ABCC12: variants seen among roughly 807,000 people sequenced by gnomAD.
The protein encoded by ABCC12 is ATP binding cassette subfamily C member 12, also known as ATP-binding cassette sub-family C member 12.
ABCC12 carries 142 observed loss-of-function variants against 151.1 expected under a neutral mutation model. The ratio of observed to expected loss-of-function variants is 0.94; its 90% CI spans 0.82 to 1.08. ABCC12 has a LOEUF of 1.08. Among genes scored for constraint, ABCC12 ranks in the 50% least tolerant of loss-of-function variants. ABCC12 has a pLI of 0.00. For synonymous variants in ABCC12, 645 were observed against 646.4 expected (o/e 1.00, Z 0.03); for missense variants, 1,638 against 1,691.1 (o/e 0.97, Z 0.55).
intron 2 of ABCC12, among the ~76,000 whole-genome samples, chr16:48,153,217 G>A (rs1965139737): frequency 6.6e-6 from 1 of 152,182 alleles, no homozygotes; most frequent in Non-Finnish European, 1.5e-5. Flanking sequence ...TAAATTTCCT[G>A]ATTTTGATAT....
intron 18 of ABCC12, among the ~76,000 whole-genome samples, chr16:48,110,976 C>T (rs1431387040): frequency 1.3e-5 from 2 of 152,176 alleles, no homozygotes; most frequent in Non-Finnish European, 2.9e-5. Flanking sequence ...CACCTCAATC[C>T]CTTCACTGCT....
At chr16:48,149,810 A>G (rs541916074) in intron 2 of ABCC12, among the ~76,000 whole-genome samples, 2 of 152,380 alleles carry the variant, frequency 1.3e-5, no homozygotes, top group South Asian at 4.1e-4. Flanking sequence ...TTGACAGATG[A>G]TCCAAATACA....
At chr16:48,133,024 C>T in intron 9 of ABCC12, among the ~76,000 whole-genome samples, 1 of 152,162 alleles carries the variant, frequency 6.6e-6, no homozygotes. Context: ...CCTATACCTC[C>T]TCCCTCCGAG....
chr16:48,124,835 G>C (rs1418912972), intron 11 of ABCC12, among the ~76,000 whole-genome samples: 1 of 152,188 alleles, frequency 6.6e-6, no homozygotes, highest in Non-Finnish European at 1.5e-5. Context: ...CCAACCACCA[G>C]CAAGAACAGC....
intron 19 of ABCC12, among the ~76,000 whole-genome samples, chr16:48,108,088 A>C (rs570189317): frequency 6.6e-6 from 1 of 152,266 alleles, no homozygotes. Context: ...AGAGAGTGAA[A>C]CTACAGGCAT....
intron 8 of ABCC12, among the ~76,000 whole-genome samples, chr16:48,134,740 T>C (rs1964548203): frequency 6.6e-6 from 1 of 152,208 alleles, no homozygotes; most frequent in African/African-American, 2.4e-5. Flanking sequence ...CCATGATTTA[T>C]AAGCTGCCTA....
chr16:48,109,776 T>C (rs1322313079), intron 18 of ABCC12, among the ~76,000 whole-genome samples: 1 of 152,240 alleles, frequency 6.6e-6, no homozygotes, highest in East Asian at 1.9e-4. Flanking sequence ...AAGGGACTGG[T>C]CACATTCCCT....
intron 22 of ABCC12, 25 bp from the exon 23 acceptor site, chr16:48,101,034 G>T (rs202003321): frequency 4.3e-6 from 7 of 1,611,554 alleles, no homozygotes; most frequent in Non-Finnish European, 5.1e-6. Flanking sequence ...AAAGGGGCCA[G>T]GTGGGCCACA....
rs748336659 is a variant in ABCC12, at chr16:48,140,852, T to C, written c.492A>G (p.Gly164=). 1 of 1,614,102 alleles carries C rather than the reference T, an allele frequency of 6.2e-7. No homozygotes were observed. Among genetic ancestry groups the C allele is most frequent in the Admixed American group, 1.7e-5 (1 of 60,022 alleles). The change falls in exon 6 of 31, where the codon GGA becomes GGG. Residue 164 remains glycine (G), a synonymous_variant. Coordinates refer to ENST00000311303, the MANE Select transcript of ABCC12 (RefSeq NM_001393797.1). ...RTSGKVWVGI[G]LCIALFATEF... ...CGGTGGCAAAAAGGGCTATGCACAG[T>C]CCAATGCCAACCCAGACTTTCCCAG...
intron 8 of ABCC12, 44 bp from the exon 9 acceptor site, chr16:48,133,879 C>A: frequency 6.2e-7 from 1 of 1,608,502 alleles, no homozygotes; most frequent in Non-Finnish European, 8.5e-7. Flanking sequence ...TTTTGCATGT[C>A]GAACACTAGC....
At chr16:48,110,394 C>T (rs753470223) in intron 18 of ABCC12, among the ~76,000 whole-genome samples, 6 of 151,844 alleles carry the variant, frequency 4.0e-5, no homozygotes, top group Non-Finnish European at 8.8e-5. Context: ...ATGAAATGTG[C>T]GAAGTTTTTT....
At chr16:48,091,628 A>G (rs577446257) in intron 24 of ABCC12, among the ~76,000 whole-genome samples, 1 of 152,218 alleles carries the variant, frequency 6.6e-6, no homozygotes, top group African/African-American at 2.4e-5. Context: ...AACAACTGAA[A>G]ACCACATCAC....
chr16:48,118,106 G>A (rs1235802764), intron 13 of ABCC12, among the ~76,000 whole-genome samples: 5 of 152,120 alleles, frequency 3.3e-5, no homozygotes, highest in African/African-American at 1.2e-4. Flanking sequence ...CAGGACTAGC[G>A]CCCTATCCTG....
intron 20 of ABCC12, among the ~76,000 whole-genome samples, chr16:48,106,700 G>A (rs1040935514): frequency 5.9e-5 from 9 of 152,148 alleles, no homozygotes; most frequent in African/African-American, 9.7e-5. Context: ...ATGGGCCAGC[G>A]TCCCCACAGC....
At chr16:48,107,495 G>T in intron 19 of ABCC12, 70 bp from the exon 20 acceptor site, 2 of 1,350,540 alleles carry the variant, frequency 1.5e-6, no homozygotes, top group South Asian at 2.4e-5. Flanking sequence ...CCTTCCTCAG[G>T]ACCCAACCCT....
intron 9 of ABCC12, among the ~76,000 whole-genome samples, chr16:48,132,190 G>C (rs1383209552): frequency 6.6e-6 from 1 of 152,204 alleles, no homozygotes; most frequent in Non-Finnish European, 1.5e-5. Context: ...GGATCACAGA[G>C]AGCCACAATA....
intron 6 of ABCC12, among the ~76,000 whole-genome samples, chr16:48,140,448 G>A (rs940706254): frequency 7.9e-5 from 12 of 152,116 alleles, no homozygotes; most frequent in African/African-American, 2.9e-4. Flanking sequence ...CCTGAGCCCT[G>A]TTCCCGCTGG....
chr16:48,143,836 T>C lies in ABCC12; in HGVS notation c.275+74A>G. ...CATTAAACCTCTTTTTCTTTATAAA[T>C]TACCCACTCTCAGGTATTTCCTCAT... On this transcript the variant is annotated intron_variant, in intron 4 of 30. Coordinates refer to ENST00000311303, the MANE Select transcript of ABCC12 (RefSeq NM_001393797.1). 2.0e-6 allele frequency: 3 copies of C among 1,514,640 alleles called. No individual in the cohort carries two copies. In the Admixed American group the frequency reaches 6.2e-5, roughly 31 times the overall value. The allele number at this position is 1,514,640 out of a possible 1,614,324, so 93.8% of individuals were successfully genotyped here. A position where few individuals can be genotyped will look rare whatever the true frequency, so the allele number is the denominator to read the frequency against.
chr16:48,123,835 T>G (rs2058537728), intron 12 of ABCC12, among the ~76,000 whole-genome samples: 1 of 152,240 alleles, frequency 6.6e-6, no homozygotes, highest in African/African-American at 2.4e-5. Context: ...ATAGTCACCA[T>G]GAGCTCCAGA....
Sources: allele counts gnomAD v4.1 joint callset (sites outside exome capture counted in the v4.1 genomes callset), GRCh38; gene constraint gnomAD v4.1.1; transcripts MANE v1.5; gene names NCBI Gene and HGNC (gene_info 2026-07-23, HGNC 2026-07-21).